Variants in WDR64 observed in about 807,000 individuals in gnomAD.
WDR64 encodes WD repeat domain 64.
A neutral mutation model predicts 139.3 loss-of-function variants in WDR64; 112 were observed. The ratio of observed to expected loss-of-function variants is 0.80; its 90% CI spans 0.69 to 0.94. WDR64 has a LOEUF of 0.94. WDR64 is among the 40% of genes least tolerant of loss of function. The pLI is 0.00. For synonymous variants in WDR64, 444 were observed against 437.7 expected (o/e 1.01, Z -0.18); for missense variants, 1,206 against 1,293.1 (o/e 0.93, Z 1.03).
At chr1:241,682,886 G>T (rs1429002700) in intron 6 of WDR64, among the ~76,000 whole-genome samples, 1 of 152,328 alleles carries the variant, frequency 6.6e-6, no homozygotes, top group South Asian at 2.1e-4. Context: ...TCATTGCACA[G>T]TCGTGCTGCA....
intron 8 of WDR64, among the ~76,000 whole-genome samples, chr1:241,708,973 A>C (rs150529122): frequency 8.5e-5 from 13 of 152,286 alleles, no homozygotes; most frequent in African/African-American, 3.1e-4. Context: ...AGGTCTAAGG[A>C]TAACTATTTA....
chr1:241,767,945 A>T (rs1658255430), intron 16 of WDR64, among the ~76,000 whole-genome samples: 1 of 151,998 alleles, frequency 6.6e-6, no homozygotes. Context: ...GCCACTTGAT[A>T]CCTACACCTG....
intron 3 of WDR64, among the ~76,000 whole-genome samples, chr1:241,671,906 G>A (rs1666245185): frequency 6.6e-6 from 1 of 152,108 alleles, no homozygotes; most frequent in Non-Finnish European, 1.5e-5. Context: ...GGCACAGTGG[G>A]TCATGCCTGT....
At chr1:241,689,006 A>G (rs192408964) in intron 8 of WDR64, among the ~76,000 whole-genome samples, 1 of 152,254 alleles carries the variant, frequency 6.6e-6, no homozygotes, top group East Asian at 1.9e-4. Flanking sequence ...AGTCTAAGCT[A>G]TTGGAACTTT....
intron 23 of WDR64, 89 bp from the exon 24 acceptor site, chr1:241,787,760 C>A: frequency 8.7e-7 from 1 of 1,153,422 alleles, no homozygotes; most frequent in South Asian, 1.8e-5. Context: ...GATGGACCAG[C>A]GCTAATTTAC....
intron 26 of WDR64, among the ~76,000 whole-genome samples, chr1:241,795,626 T>A (rs1659341422): frequency 6.6e-6 from 1 of 152,142 alleles, no homozygotes; most frequent in African/African-American, 2.4e-5. Context: ...CTGCCTATAT[T>A]CCAACCACAT....
intron 15 of WDR64, 36 bp downstream of exon 15, chr1:241,757,495 C>T (rs1357635821): frequency 4.5e-6 from 7 of 1,562,562 alleles, no homozygotes; most frequent in Admixed American, 1.9e-5. Flanking sequence ...TTAACTTTTG[C>T]TTTTTGTTAT....
Position 241,780,021 on chromosome 1 carries a change from T to G in WDR64, c.2554T>G (p.Cys852Gly), listed in dbSNP as rs1349093974. The change falls in exon 22 of 28, where the codon TGC (cysteine) becomes GGC (glycine). Residue 852 changes from cysteine (C) to glycine (G), a missense_variant. Cys to Gly is a radical substitution (Grantham distance 159, BLOSUM62 -3). Coordinates refer to ENST00000437684, the MANE Select transcript of WDR64 (RefSeq NM_001367482.1). ...AGNVEGHVIL[C>G]NISSFLDPPH... ...TTATACAGAAGGACATGTTATCCTT[T>G]GCAATATTAGCTCTTTCCTGGATCC... 6.3e-7 allele frequency: 1 copy of G among 1,588,912 alleles called. No individual in the cohort carries two copies. The highest frequency in any genetic ancestry group is 8.5e-7 in the Non-Finnish European group (1 of 1,173,564).
At chr1:241,689,925 CA>C (rs1008741857) in intron 8 of WDR64, among the ~76,000 whole-genome samples, 2 of 150,154 alleles carry the variant, frequency 1.3e-5, no homozygotes, top group African/African-American at 4.9e-5. Flanking sequence ...CAAAACAAAA[CA>C]AAAAAAACCA....
At chr1:241,774,522 C>G (rs146566631) in intron 20 of WDR64, among the ~76,000 whole-genome samples, 17 of 152,200 alleles carry the variant, frequency 1.1e-4, no homozygotes, top group African/African-American at 3.9e-4. Flanking sequence ...CAAGATAATA[C>G]GTGTTAAAGT....
chr1:241,749,808 C>T (rs1324508195), intron 14 of WDR64, 86 bp downstream of exon 14: 1 of 1,420,076 alleles, frequency 7.0e-7, no homozygotes. Flanking sequence ...ACCATGTAAC[C>T]CCGCTCTTGG....
intron 9 of WDR64, among the ~76,000 whole-genome samples, chr1:241,722,293 A>G (rs574579973): frequency 6.6e-6 from 1 of 152,352 alleles, no homozygotes; most frequent in Admixed American, 6.5e-5. Flanking sequence ...CCAGAATTTA[A>G]TGAAACTGAC....
intron 6 of WDR64, among the ~76,000 whole-genome samples, chr1:241,682,555 T>C (rs976061244): frequency 6.6e-6 from 1 of 152,270 alleles, no homozygotes; most frequent in Non-Finnish European, 1.5e-5. Flanking sequence ...TGAAATCAGA[T>C]AGTGTGATGC....
chr1:241,695,317 A>G (rs1439244940), intron 8 of WDR64, among the ~76,000 whole-genome samples: 4 of 152,166 alleles, frequency 2.6e-5, no homozygotes, highest in Admixed American at 6.5e-5. Context: ...GCGCACAACT[A>G]TATGTTTTTT....
intron 11 of WDR64, among the ~76,000 whole-genome samples, chr1:241,739,156 T>C (rs1480037111): frequency 6.6e-6 from 1 of 152,194 alleles, no homozygotes; most frequent in Non-Finnish European, 1.5e-5. Flanking sequence ...AACAGATTTG[T>C]TGCTGATTTT....
chr1:241,727,182 C>T (rs10802985), intron 10 of WDR64, among the ~76,000 whole-genome samples: 63,413 of 152,018 alleles, frequency 0.42, 13,383 homozygotes, highest in South Asian at 0.48. Flanking sequence ...CCACCGTGCC[C>T]AGCTTAGGAA....
rs1665606105 is a variant in WDR64, at chr1:241,656,643, C to T, written c.146-3887C>T. Among the ~76,000 whole-genome samples, 1 of 152,042 alleles carries T rather than the reference C, an allele frequency of 6.6e-6. No homozygotes were observed. Among genetic ancestry groups the T allele is most frequent in the Non-Finnish European group, 1.5e-5 (1 of 68,026 alleles). On this transcript the variant is annotated intron_variant, in intron 1 of 27. Coordinates refer to ENST00000437684, the MANE Select transcript of WDR64 (RefSeq NM_001367482.1). The surrounding 1 kb of genome is among the most constrained non-coding windows in gnomAD (Gnocchi z 4.3). ...ATTTGCTGAGTTTTGAAACTGGAAA[C>T]CTGAGTGTCATTCTAGAACCAGGTA...
At chr1:241,698,023 T>G (rs1667565334) in intron 8 of WDR64, among the ~76,000 whole-genome samples, 1 of 152,194 alleles carries the variant, frequency 6.6e-6, no homozygotes. Flanking sequence ...TCTTGGGTGA[T>G]AGTTGTATTC....
intron 2 of WDR64, among the ~76,000 whole-genome samples, chr1:241,666,438 T>C (rs1246963306): frequency 2.0e-5 from 3 of 152,214 alleles, no homozygotes; most frequent in East Asian, 3.8e-4. Context: ...TTGGAAGTTA[T>C]TTTTTGGTAA....
Sources: allele counts gnomAD v4.1 joint callset (sites outside exome capture counted in the v4.1 genomes callset), GRCh38; gene constraint gnomAD v4.1.1; non-coding constraint Gnocchi (gnomAD v3.1); transcripts MANE v1.5; gene names NCBI Gene and HGNC (gene_info 2026-07-23, HGNC 2026-07-21).